Variants in PIWIL3 observed in about 807,000 individuals in gnomAD.
PIWIL3 encodes the protein piwi-like protein 3.
PIWIL3 carries 101 observed loss-of-function variants against 109.7 expected under a neutral mutation model. That is an observed-to-expected ratio of 0.92 (90% confidence interval 0.78 to 1.09). The LOEUF is 1.09. Among genes scored for constraint, PIWIL3 ranks in the 50% least tolerant of loss-of-function variants. PIWIL3 has a pLI of 0.00. For missense variants in PIWIL3, 1,031 were observed against 1,072.6 expected, an observed-to-expected ratio of 0.96 and a Z score of 0.54; for synonymous variants, 373 against 376.4, an observed-to-expected ratio of 0.99 and a Z score of 0.10.
intron 14 of PIWIL3, among the ~76,000 whole-genome samples, chr22:24,731,800 C>T (rs948969787): frequency 1.5e-4 from 23 of 152,094 alleles, no homozygotes; most frequent in African/African-American, 5.6e-4. Flanking sequence ...CCCTGTAACT[C>T]GTTACAGAAA....
At chr22:24,765,707 A>G (rs113694186) in intron 1 of PIWIL3, among the ~76,000 whole-genome samples, 4 of 151,948 alleles carry the variant, frequency 2.6e-5, no homozygotes, top group Admixed American at 2.6e-4. Flanking sequence ...TTTTAACCCT[A>G]ATCTTTCACT....
At chr22:24,734,289 A>C (rs1402523864) in intron 13 of PIWIL3, 133 bp from the exon 14 acceptor site, 2 of 1,360,192 alleles carry the variant, frequency 1.5e-6, no homozygotes, top group Non-Finnish European at 1.9e-6. Context: ...GTATGTTTAA[A>C]AGAAAAAAGA....
chr22:24,744,780 C>G (rs940839128), intron 12 of PIWIL3, among the ~76,000 whole-genome samples: 2 of 152,022 alleles, frequency 1.3e-5, no homozygotes, highest in African/African-American at 4.8e-5. Context: ...GAGATAGTCC[C>G]CAATACGATA....
At chr22:24,734,412 A>G (rs1156809807) in intron 13 of PIWIL3, among the ~76,000 whole-genome samples, 6 of 152,166 alleles carry the variant, frequency 3.9e-5, no homozygotes, top group Non-Finnish European at 8.8e-5. Context: ...CTCTCCTAGG[A>G]TTTTCAAGAG....
chr22:24,762,078 G>A (rs886174811), intron 2 of PIWIL3: 2 of 960,882 alleles, frequency 2.1e-6, no homozygotes, highest in Non-Finnish European at 2.6e-6. Context: ...AGTACCTTCA[G>A]GAAGTTGCTC....
chr22:24,774,266 C>T (rs1926298222), intron 1 of PIWIL3, 56 bp downstream of exon 1: 1 of 152,290 alleles, frequency 6.6e-6, no homozygotes, highest in Admixed American at 6.6e-5. Context: ...TCTATGCCCC[C>T]ATGCCTTATG....
chr22:24,729,398 T>G (rs941922955), intron 14 of PIWIL3, among the ~76,000 whole-genome samples: 1 of 152,148 alleles, frequency 6.6e-6, no homozygotes, highest in Admixed American at 6.5e-5. Context: ...GATGTATGTA[T>G]AGGGCACTTG....
In PIWIL3 at chr22:24,719,459, C is replaced by A; in HGVS notation, c.*13G>T. 1 of 1,536,942 alleles carries A rather than the reference C, an allele frequency of 6.5e-7. No individual in the cohort carries two copies. Among genetic ancestry groups the A allele is most frequent in the Non-Finnish European group, 8.8e-7 (1 of 1,141,888 alleles). ...TTGTGGTTTCATTAGCACATCAGGT[C>A]TTCTTCTGCAGGTCAAAGGTAAAAG... On this transcript the variant is annotated 3_prime_UTR_variant, in exon 21 of 21. Coordinates refer to ENST00000616349, the MANE Select transcript of PIWIL3 (RefSeq NM_001255975.1).
chr22:24,734,843 A>G (rs556558739), intron 13 of PIWIL3, among the ~76,000 whole-genome samples: 2 of 151,190 alleles, frequency 1.3e-5, no homozygotes, highest in South Asian at 4.2e-4. Flanking sequence ...TTTTAGAAAA[A>G]AAAACCAAAA....
At chr22:24,747,666 A>C (rs894263873) in intron 12 of PIWIL3, among the ~76,000 whole-genome samples, 10 of 152,234 alleles carry the variant, frequency 6.6e-5, no homozygotes, top group African/African-American at 2.4e-4. Context: ...ACATACAAAT[A>C]GCAAACAGGC....
intron 2 of PIWIL3, 42 bp downstream of exon 2, chr22:24,762,356 C>T: frequency 6.3e-7 from 1 of 1,594,218 alleles, no homozygotes; most frequent in East Asian, 2.2e-5. Context: ...TCAGTACAGG[C>T]ACATATCTCT....
At chr22:24,764,774 C>T (rs1925691583) in intron 1 of PIWIL3, among the ~76,000 whole-genome samples, 1 of 151,980 alleles carries the variant, frequency 6.6e-6, no homozygotes, top group Middle Eastern at 3.4e-3. Context: ...CACTTCCGGG[C>T]GTCCTAATTG....
intron 14 of PIWIL3, among the ~76,000 whole-genome samples, chr22:24,733,784 G>T (rs1217558709): frequency 6.6e-6 from 1 of 151,990 alleles, no homozygotes; most frequent in African/African-American, 2.4e-5. Context: ...TACACCTGCG[G>T]GTAAAAGTAA....
chr22:24,756,040 C>T lies in PIWIL3; in HGVS notation c.571-135G>A, dbSNP rs375097793. On this transcript the variant is annotated intron_variant, in intron 5 of 20. Coordinates refer to ENST00000616349, the MANE Select transcript of PIWIL3 (RefSeq NM_001255975.1). ...TGGAGCAGTCTTTCCCACAAAAGTACGTGCGTGTGGAAAACATGATTCACA... is the reference window on the plus strand; with the variant it reads ...TGGAGCAGTCTTTCCCACAAAAGTATGTGCGTGTGGAAAACATGATTCACA... 2.8e-5 allele frequency: 25 copies of T among 892,080 alleles called. 1 individual carries two copies. In the South Asian group the frequency reaches 3.2e-4, roughly 11 times the overall value. The allele number at this position is 892,080 out of a possible 1,614,324, so 55.3% of individuals were successfully genotyped here.
chr22:24,746,639 A>AG (rs1431085414), intron 12 of PIWIL3, among the ~76,000 whole-genome samples: 1 of 151,718 alleles, frequency 6.6e-6, no homozygotes, highest in African/African-American at 2.4e-5. Flanking sequence ...GACTCCAAAA[A>AG]AAAAAAACAT....
chr22:24,744,183 A>ATT lies in PIWIL3; in HGVS notation c.1449+4723_1449+4724insAA, dbSNP rs1569103563. On this transcript the variant is annotated intron_variant, in intron 12 of 20. Coordinates refer to ENST00000616349, the MANE Select transcript of PIWIL3 (RefSeq NM_001255975.1). ...AATTGAAAGAGTGACCGAATTAAAA[A>ATT]AAAAAAAAAAAAAAAAAAAAAAAAC... Among the ~76,000 whole-genome samples, 67 of 143,624 alleles carry ATT rather than the reference A, an allele frequency of 4.7e-4. 5 individuals are homozygous for ATT. The highest frequency in any genetic ancestry group is 1.3e-3 in the African/African-American group (50 of 39,164). 94.2% of individuals were successfully genotyped at this position (143,624 alleles called of 152,430 possible). A position where few individuals can be genotyped will look rare whatever the true frequency, so the allele number is the denominator to read the frequency against.
At position 24,761,986 on chromosome 22, in the gene PIWIL3, A is replaced by G. The variant is rs145498069; in HGVS notation, c.102+412T>C. 40 of 992,318 alleles carry G rather than the reference A, an allele frequency of 4.0e-5. No individual in the cohort carries two copies. The East Asian group carries it at 4.1e-3, about 102-fold the overall frequency. The allele number at this position is 992,318 out of a possible 1,614,324, so 61.5% of individuals were successfully genotyped here. On this transcript the variant is annotated intron_variant, in intron 2 of 20. Transcript: ENST00000616349. ...CCTGCTGTGTGAATGTAAAGTGGAT[A>G]TGCAGTAAGAGAAGACAAAACAGGG...
intron 12 of PIWIL3, among the ~76,000 whole-genome samples, chr22:24,741,291 A>G (rs1234929397): frequency 6.6e-6 from 1 of 152,148 alleles, no homozygotes; most frequent in Admixed American, 6.6e-5. Flanking sequence ...GAGGTGGGCC[A>G]ATCACGAAGT....
intron 14 of PIWIL3, among the ~76,000 whole-genome samples, chr22:24,728,986 A>G (rs749230264): frequency 6.6e-6 from 1 of 152,260 alleles, no homozygotes; most frequent in Non-Finnish European, 1.5e-5. Context: ...GCAGCTGCAC[A>G]GATAAGGGAG....
Sources: allele counts gnomAD v4.1 joint callset (sites outside exome capture counted in the v4.1 genomes callset), GRCh38; gene constraint gnomAD v4.1.1; transcripts MANE v1.5; gene names NCBI Gene and HGNC (gene_info 2026-07-23, HGNC 2026-07-21).